Variants in DNAJC16 observed in about 807,000 individuals in gnomAD.
DNAJC16 encodes the protein dnaJ homolog subfamily C member 16.
A neutral mutation model predicts 92.7 loss-of-function variants in DNAJC16; 76 were observed. The observed-to-expected ratio is 0.82, with a 90% CI of 0.68 to 0.99. The LOEUF (loss-of-function observed/expected upper bound fraction) is 0.99. Ranked by LOEUF, DNAJC16 falls within the 50% of genes least tolerant of loss-of-function variation. The probability of loss-of-function intolerance (pLI) is 0.00; values close to 1 mark genes in which losing one functional copy is unlikely to be tolerated. For synonymous variants in DNAJC16, 328 were observed against 358.7 expected (o/e 0.91, Z 0.97); for missense variants, 869 against 942.4 (o/e 0.92, Z 1.02).
At chr1:15,537,516 A>C (rs1710821365) in intron 4 of DNAJC16, among the ~76,000 whole-genome samples, 1 of 152,252 alleles carries the variant, frequency 6.6e-6, no homozygotes, top group African/African-American at 2.4e-5. Flanking sequence ...GACAAAGATG[A>C]CAAGAAATTC....
Position 15,536,159 on chromosome 1 carries a change from C to T in DNAJC16, c.235-316C>T, listed in dbSNP as rs183520876. On this transcript the variant is annotated intron_variant, in intron 3 of 14. Coordinates refer to ENST00000375847, the MANE Select transcript of DNAJC16 (RefSeq NM_015291.4). ...CACCATCTCGGCTCACCTCAACCTC[C>T]GCCTCCTGGGTTCAAGCAATTCTCC... is the stretch of plus-strand genomic sequence containing the variant. Among the ~76,000 whole-genome samples, 8 of 150,152 alleles carry T rather than the reference C, an allele frequency of 5.3e-5. No individual in the cohort carries two copies. In the East Asian group the frequency reaches 1.2e-3, roughly 22 times the overall value.
In DNAJC16 at chr1:15,529,283, C is replaced by T; in HGVS notation, c.167+11C>T. The T allele has an allele frequency of 6.2e-7, 1 of 1,603,926 alleles. No homozygotes were observed. The highest frequency in any genetic ancestry group is 8.5e-7 in the Non-Finnish European group (1 of 1,172,852). The stretch of plus-strand genomic sequence containing the variant: ...GCTCGCCCGGGAATGGTAGGTGAAA[C>T]AAAGAAATAGAGGTTTAACATAAGC... On this transcript the variant is annotated intron_variant, in intron 2 of 14. Coordinates refer to ENST00000375847, the MANE Select transcript of DNAJC16 (RefSeq NM_015291.4).
chr1:15,561,557 C>T (rs1638691705), intron 8 of DNAJC16, among the ~76,000 whole-genome samples: 2 of 151,964 alleles, frequency 1.3e-5, no homozygotes, highest in Non-Finnish European at 2.9e-5. Flanking sequence ...AGGTGGTGCA[C>T]GCCTATAATC....
chr1:15,536,854 G>T, intron 4 of DNAJC16, 40 bp downstream of exon 4: 1 of 1,523,682 alleles, frequency 6.6e-7, no homozygotes, highest in South Asian at 1.3e-5. Flanking sequence ...TTATATAGAT[G>T]ACTTTTTTTT....
At chr1:15,559,412 T>C (rs1570925932) in intron 7 of DNAJC16, 114 bp from the exon 8 acceptor site, 3 of 1,424,420 alleles carry the variant, frequency 2.1e-6, no homozygotes, top group South Asian at 1.3e-5. Flanking sequence ...TGTTTGGTTA[T>C]ATTACTTTAG....
intron 4 of DNAJC16, among the ~76,000 whole-genome samples, chr1:15,537,868 C>T (rs1312693484): frequency 6.6e-6 from 1 of 152,160 alleles, no homozygotes; most frequent in African/African-American, 2.4e-5. Flanking sequence ...ACACTGCGCG[C>T]GTACTGCTTC....
At position 15,562,233 on chromosome 1, in the gene DNAJC16, AC is replaced by A. The variant is rs1557587060; in HGVS notation, c.1247del (p.Thr416LysfsTer2). ...CTTTGCCCTGGCAAACACTCAAGAC[AC>A]AGTGAGATTTGTGCATGTCTACAGC... The part of the protein sequence containing the change: ...LSFALANTQD[T>X]VRFVHVYSNR... On this transcript the variant is annotated frameshift_variant, in exon 9 of 15. Transcript: ENST00000375847. LOFTEE classifies it high-confidence loss of function. The A allele has an allele frequency of 6.2e-7, 1 of 1,614,168 alleles. No individual in the cohort carries two copies. Among genetic ancestry groups the A allele is most frequent in the Non-Finnish European group, 8.5e-7 (1 of 1,180,004 alleles).
intron 7 of DNAJC16, among the ~76,000 whole-genome samples, chr1:15,556,224 T>A (rs1638568671): frequency 1.6e-5 from 1 of 63,976 alleles, no homozygotes; most frequent in Non-Finnish European, 3.3e-5. Context: ...TTGTTGGTTG[T>A]TTTGTTTTGT....
intron 5 of DNAJC16, among the ~76,000 whole-genome samples, chr1:15,546,071 G>T (rs971884245): frequency 6.6e-6 from 1 of 152,202 alleles, no homozygotes; most frequent in East Asian, 1.9e-4. Flanking sequence ...TTAGGAGGCT[G>T]AGGTGTGAGC....
rs761506468 is a variant in DNAJC16 at position 15,539,308 on chromosome 1, C to T, written c.574+2494C>T. Among the ~76,000 whole-genome samples the T allele has an allele frequency of 5.2e-4, 78 of 151,334 alleles. 2 individuals are homozygous for T. The Middle Eastern group carries it at 0.01, about 20-fold the overall frequency. Reference sequence around the variant, plus strand: ...TCGCCCAGGCTGGAGTGCAGTGGTGCGATCTCTGCTCACTGCAAGCTCCGC... The same window carrying T: ...TCGCCCAGGCTGGAGTGCAGTGGTGTGATCTCTGCTCACTGCAAGCTCCGC... On this transcript the variant is annotated intron_variant, in intron 4 of 14. Coordinates refer to ENST00000375847, the MANE Select transcript of DNAJC16 (RefSeq NM_015291.4).
At chr1:15,528,339 C>T (rs1350737338) in intron 1 of DNAJC16, among the ~76,000 whole-genome samples, 1 of 152,030 alleles carries the variant, frequency 6.6e-6, no homozygotes, top group Middle Eastern at 3.2e-3. Context: ...GAGGCTGAGA[C>T]AGGAGACTTG....
At chr1:15,562,398 T>C in intron 9 of DNAJC16, 73 bp downstream of exon 9, 2 of 1,419,114 alleles carry the variant, frequency 1.4e-6, no homozygotes, top group South Asian at 1.5e-5. Context: ...TCCTTCTTCC[T>C]TGAGAGTGTT....
chr1:15,546,466 A>T (rs1250179719), intron 5 of DNAJC16, among the ~76,000 whole-genome samples: 1 of 152,184 alleles, frequency 6.6e-6, no homozygotes, highest in Non-Finnish European at 1.5e-5. Context: ...CTAGTATATT[A>T]AGAAGTATAC....
At chr1:15,536,075 T>TTC (rs1710775457) in intron 3 of DNAJC16, among the ~76,000 whole-genome samples, 1 of 143,774 alleles carries the variant, frequency 7.0e-6, no homozygotes, top group Non-Finnish European at 1.5e-5. Flanking sequence ...TTCTTTTCTT[T>TTC]TTTTTTTTTT....
At chr1:15,556,625 G>A (rs113898174) in intron 7 of DNAJC16, among the ~76,000 whole-genome samples, 1,748 of 152,224 alleles carry the variant, frequency 0.011, 40 homozygotes, top group African/African-American at 0.039. Context: ...AGCTAACTAT[G>A]TAATCATATC....
chr1:15,563,192 AG>A (rs1169854521), intron 9 of DNAJC16, among the ~76,000 whole-genome samples: 1 of 152,152 alleles, frequency 6.6e-6, no homozygotes, highest in Non-Finnish European at 1.5e-5. Flanking sequence ...TTGAGAAAAA[AG>A]AGCTTTAACT....
chr1:15,548,322 G>T lies in DNAJC16; in HGVS notation c.917G>T (p.Gly306Val). 6.2e-7 allele frequency: 1 copy of T among 1,614,094 alleles called. No homozygotes were observed. Among genetic ancestry groups the T allele is most frequent in the Non-Finnish European group, 8.5e-7 (1 of 1,179,992 alleles). ...TTATCATTTGGATATGTATATGTGG[G>T]TTTGAGAGGGACGGAAGAGATGACA... ...DYLSFGYVYV[G>V]LRGTEEMTRR... Residue 306 changes from glycine (G) to valine (V), a missense_variant, in exon 7 of 15, where the codon GGT becomes GTT. Coordinates refer to ENST00000375847, the MANE Select transcript of DNAJC16 (RefSeq NM_015291.4).
intron 11 of DNAJC16, 86 bp downstream of exon 11, chr1:15,564,445 A>G (rs1206343048): frequency 1.1e-6 from 1 of 922,920 alleles, no homozygotes; most frequent in African/African-American, 1.6e-5. Context: ...ATCATTATTA[A>G]ATTTCAAGGT....
In DNAJC16 at chr1:15,566,111, C is replaced by T. The variant is rs781090964; in HGVS notation, c.1709C>T (p.Pro570Leu). The T allele has an allele frequency of 7.3e-5, 117 of 1,613,748 alleles. No homozygotes were observed. The highest frequency in any genetic ancestry group is 9.6e-5 in the Non-Finnish European group (113 of 1,180,002). ...SDSNDERESS[P>L]PEKEEAQEKT... Reference sequence around the variant, plus strand: ...TCTAATGATGAGCGAGAGTCAAGCCCTCCAGAAAAAGAGGAAGCCCAAGAG... The same window carrying T: ...TCTAATGATGAGCGAGAGTCAAGCCTTCCAGAAAAAGAGGAAGCCCAAGAG... The change falls in exon 13 of 15, where the codon CCT becomes CTT. Residue 570 changes from proline (P) to leucine (L), a missense_variant. By Grantham distance (98) the Pro-to-Leu change is moderately conservative. Transcript: ENST00000375847.
Sources: gnomAD v4.1 joint callset for allele counts (sites outside exome capture counted in the v4.1 genomes callset) on GRCh38, gnomAD v4.1.1 for gene constraint, MANE v1.5 for transcripts, NCBI Gene and HGNC (gene_info 2026-07-23, HGNC 2026-07-21) for gene names.